Variants in PROKR1 observed in about 807,000 individuals in gnomAD.
PROKR1 encodes G protein-coupled receptor 73.
A neutral mutation model predicts 22.8 loss-of-function variants in PROKR1; 21 were observed. The observed-to-expected ratio is 0.92, with a 90% confidence interval of 0.65 to 1.32. The LOEUF is 1.32. Ranked by LOEUF, PROKR1 falls within the 40% of genes most tolerant of loss-of-function variation. PROKR1 has a pLI of 0.00. For synonymous variants in PROKR1, 193 were observed against 207.5 expected, an observed-to-expected ratio of 0.93 and a Z score of 0.60; for missense variants, 548 against 514.2, an observed-to-expected ratio of 1.07 and a Z score of -0.64.
Position 68,655,702 on chromosome 2 carries a change from T to C in PROKR1, c.*126T>C, listed in dbSNP as rs957365056. ...AGGGTAAAGTAAATGGACCACTCTG[T>C]GAGCAATGTTTTCAAGGAGCTCAGA... On this transcript the variant is annotated 3_prime_UTR_variant, in exon 3 of 3. Transcript: ENST00000303786. 1 of 887,098 alleles carries C rather than the reference T, an allele frequency of 1.1e-6. No homozygotes were observed. Among genetic ancestry groups the C allele is most frequent in the Non-Finnish European group, 1.8e-6 (1 of 561,848 alleles). The allele number at this position is 887,098 out of a possible 1,614,324, so 55.0% of individuals were successfully genotyped here. A position where few individuals can be genotyped will look rare whatever the true frequency, so the allele number is the denominator to read the frequency against.
chr2:68,650,667 G>A (rs185478966), intron 2 of PROKR1, among the ~76,000 whole-genome samples: 3 of 152,228 alleles, frequency 2.0e-5, no homozygotes, highest in Admixed American at 2.0e-4. Flanking sequence ...ACAGCTCTTG[G>A]GGGGCTGACC....
rs1191444102 is a variant in PROKR1 at position 68,657,139 on chromosome 2, TCCTTCTGTGGTA to T, written c.*1573_*1584del. ...CGAGGGGACAAAGGTAACACCTTTG[TCCTTCTGTGGTA>T]CCTTCTGTGATACCTGTGATACCTT... On this transcript the variant is annotated 3_prime_UTR_variant, in exon 3 of 3. Coordinates refer to ENST00000303786, the MANE Select transcript of PROKR1 (RefSeq NM_138964.4). 1 of 152,190 alleles carries T rather than the reference TCCTTCTGTGGTA, an allele frequency of 6.6e-6. No individual in the cohort carries two copies. The highest frequency in any genetic ancestry group is 2.4e-5 in the African/African-American group (1 of 41,442). The allele number at this position is 152,190 out of a possible 1,614,324, so 9.4% of individuals were successfully genotyped here.
intron 2 of PROKR1, among the ~76,000 whole-genome samples, chr2:68,654,613 C>T (rs1032271429): frequency 6.6e-6 from 1 of 151,896 alleles, no homozygotes; most frequent in Non-Finnish European, 1.5e-5. Context: ...GGGCAGCATA[C>T]GGAGACTCTA....
rs1039743557 is a variant in PROKR1, at chr2:68,657,713, A to T, written c.*2137A>T. 1 of 152,188 alleles carries T rather than the reference A, an allele frequency of 6.6e-6. No individual in the cohort carries two copies. The highest frequency in any genetic ancestry group is 2.4e-5 in the African/African-American group (1 of 41,422). The allele number at this position is 152,188 out of a possible 1,614,324, so 9.4% of individuals were successfully genotyped here. On this transcript the variant is annotated 3_prime_UTR_variant, in exon 3 of 3. Coordinates refer to ENST00000303786, the MANE Select transcript of PROKR1 (RefSeq NM_138964.4). ...AGGTTATTTAAGTGGCACCTGTATGACATGTTCCCCTCCAAATATAGTCAA... is the reference window on the plus strand; with the variant it reads ...AGGTTATTTAAGTGGCACCTGTATGTCATGTTCCCCTCCAAATATAGTCAA...
Position 68,656,200 on chromosome 2 carries a change from G to A in PROKR1, c.*624G>A, listed in dbSNP as rs933704014. ...CCAGGGCTCTGCACATAGGTGGTAA[G>A]GCTCTTCATCAGAAGGACTGGCTTG... On this transcript the variant is annotated 3_prime_UTR_variant, in exon 3 of 3. Transcript: ENST00000303786. The A allele has an allele frequency of 6.2e-6, 1 of 160,252 alleles. No individual in the cohort carries two copies. Among genetic ancestry groups the A allele is most frequent in the Admixed American group, 5.8e-5 (1 of 17,100 alleles). The allele number at this position is 160,252 out of a possible 1,614,324, so 9.9% of individuals were successfully genotyped here. A position where few individuals can be genotyped will look rare whatever the true frequency, so the allele number is the denominator to read the frequency against.
In PROKR1 at chr2:68,655,079, T is replaced by C. The variant is rs1673415672; in HGVS notation, c.685T>C (p.Tyr229His). Residue 229 changes from tyrosine to histidine, a missense_variant, in exon 3 of 3, where the codon TAC becomes CAC. Tyr to His is a moderately conservative substitution (Grantham distance 83). Transcript: ENST00000303786. The stretch of plus-strand genomic sequence containing the variant: ...CTGGCCTGTGGACCAGCAGCTCTAC[T>C]ACAAGTCCTACTTCCTCTTTATCTT... ...QIWPVDQQLYYKSYFLFIFGI... is the reference protein window; with the variant it reads ...QIWPVDQQLYHKSYFLFIFGI... 1 of 1,614,116 alleles carries C rather than the reference T, an allele frequency of 6.2e-7. No individual in the cohort carries two copies. The highest frequency in any genetic ancestry group is 8.5e-7 in the Non-Finnish European group (1 of 1,180,028).
rs1558577502 is a variant in PROKR1 at position 68,646,124 on chromosome 2, CGCCAACCTG to C, written c.308_316del (p.Asn103_Ala105del). ...TGCGCAACCTCACCAACCTGCTCAT[CGCCAACCTG>C]GCCATCTCTGACTTCCTGGTGGCCA... On this transcript the variant is annotated inframe_deletion, in exon 2 of 3. Coordinates refer to ENST00000303786, the MANE Select transcript of PROKR1 (RefSeq NM_138964.4). The C allele has an allele frequency of 6.2e-7, 1 of 1,611,488 alleles. No individual in the cohort carries two copies. Among genetic ancestry groups the C allele is most frequent in the South Asian group, 1.1e-5 (1 of 90,794 alleles).
chr2:68,650,178 G>A (rs1266097763), intron 2 of PROKR1, among the ~76,000 whole-genome samples: 1 of 151,510 alleles, frequency 6.6e-6, no homozygotes, highest in African/African-American at 2.4e-5. Context: ...TAACTAACCT[G>A]CACAATGTGC....
intron 2 of PROKR1, among the ~76,000 whole-genome samples, chr2:68,654,545 A>G (rs1380737332): frequency 6.6e-6 from 1 of 152,162 alleles, no homozygotes; most frequent in Non-Finnish European, 1.5e-5. Context: ...GTTGCTCCTT[A>G]GAATGCTGCA....
At chr2:68,644,163 C>T (rs1018276435) in intron 1 of PROKR1, among the ~76,000 whole-genome samples, 1 of 152,208 alleles carries the variant, frequency 6.6e-6, no homozygotes. Context: ...GAGAAAAGAC[C>T]TCTGGACAAT....
chr2:68,651,540 A>G (rs946076259), intron 2 of PROKR1, among the ~76,000 whole-genome samples: 1 of 152,170 alleles, frequency 6.6e-6, no homozygotes, highest in Admixed American at 6.5e-5. Context: ...CCTGTGAAGA[A>G]GCTCTCTTCT....
In PROKR1 at chr2:68,645,656, T is replaced by C; in HGVS notation, c.-160-6T>C. On this transcript the variant is annotated splice_region_variant and splice_polypyrimidine_tract_variant and intron_variant, in intron 1 of 2. Coordinates refer to ENST00000303786, the MANE Select transcript of PROKR1 (RefSeq NM_138964.4). ...ATATAGCCAACTGTTTGTATGTCTT[T>C]CAAAGGTTTAGAATGGAGCTCAGAT... 2 of 988,010 alleles carry C rather than the reference T, an allele frequency of 2.0e-6. No individual in the cohort carries two copies. The highest frequency in any genetic ancestry group is 1.5e-6 in the Non-Finnish European group (1 of 669,028). 61.2% of individuals were successfully genotyped at this position (988,010 alleles called of 1,614,324 possible). A position where few individuals can be genotyped will look rare whatever the true frequency, so the allele number is the denominator to read the frequency against.
chr2:68,654,892 T>C lies in PROKR1; in HGVS notation c.498T>C (p.Ile166=), dbSNP rs368474682. ...LAIAIDRYLA[I]VHPLRPRMKC... ...GTTCTTGCCCTAGGTATCTGGCTATTGTCCATCCGCTGAGACCACGGATGA... is the reference window on the plus strand; with the variant it reads ...GTTCTTGCCCTAGGTATCTGGCTATCGTCCATCCGCTGAGACCACGGATGA... Residue 166 remains isoleucine, a synonymous_variant, in exon 3 of 3, where the codon ATT becomes ATC. Transcript: ENST00000303786. 1.3e-5 allele frequency: 21 copies of C among 1,612,922 alleles called. No homozygotes were observed. The highest frequency in any genetic ancestry group is 1.7e-5 in the Non-Finnish European group (20 of 1,179,498).
rs1370479113 is a variant in PROKR1, at chr2:68,646,246, A to G, written c.425A>G (p.Tyr142Cys). 2.5e-6 allele frequency: 4 copies of G among 1,614,016 alleles called. No individual in the cohort carries two copies. The South Asian group carries it at 3.3e-5, about 13-fold the overall frequency. ...HGHVLCTSVN[Y>C]LRTVSLYVST... ...CACGTCCTGTGCACCTCTGTCAACTACCTGCGCACTGTCTCTCTCTATGTC... is the reference window on the plus strand; with the variant it reads ...CACGTCCTGTGCACCTCTGTCAACTGCCTGCGCACTGTCTCTCTCTATGTC... The change falls in exon 2 of 3, where the codon TAC (tyrosine) becomes TGC (cysteine). Residue 142 changes from tyrosine (Y) to cysteine (C), a missense_variant. By Grantham distance (194) the Tyr-to-Cys change is radical. Coordinates refer to ENST00000303786, the MANE Select transcript of PROKR1 (RefSeq NM_138964.4).
chr2:68,653,724 G>A (rs555065277), intron 2 of PROKR1, among the ~76,000 whole-genome samples: 4 of 152,184 alleles, frequency 2.6e-5, no homozygotes, highest in Non-Finnish European at 4.4e-5. Flanking sequence ...AGCTGTGTGC[G>A]TTCTCTCTCG....
intron 2 of PROKR1, among the ~76,000 whole-genome samples, chr2:68,651,443 G>A (rs1160928177): frequency 1.3e-5 from 2 of 152,336 alleles, no homozygotes; most frequent in African/African-American, 4.8e-5. Context: ...TCCTTTTGAT[G>A]TGGAGACACT....
chr2:68,650,440 C>T (rs1673290117), intron 2 of PROKR1, among the ~76,000 whole-genome samples: 1 of 152,126 alleles, frequency 6.6e-6, no homozygotes, highest in Non-Finnish European at 1.5e-5. Context: ...TCTTGCTATG[C>T]TGCCCAGGCT....
chr2:68,656,449 G>A lies in PROKR1; in HGVS notation c.*873G>A, dbSNP rs1164731436. 1 of 152,310 alleles carries A rather than the reference G, an allele frequency of 6.6e-6. No individual in the cohort carries two copies. Among genetic ancestry groups the A allele is most frequent in the African/African-American group, 2.4e-5 (1 of 41,454 alleles). The allele number at this position is 152,310 out of a possible 1,614,324, so 9.4% of individuals were successfully genotyped here. A position where few individuals can be genotyped will look rare whatever the true frequency, so the allele number is the denominator to read the frequency against. ...GGCTCAATGCAGCTCAGGTGTGGCA[G>A]GGGCTCAGGCTCTCCAGGTATACAG... On this transcript the variant is annotated 3_prime_UTR_variant, in exon 3 of 3. Transcript: ENST00000303786.
intron 2 of PROKR1, among the ~76,000 whole-genome samples, chr2:68,649,228 T>C (rs528647934): frequency 1.0e-3 from 152 of 152,328 alleles, no homozygotes; most frequent in African/African-American, 3.3e-3. Flanking sequence ...GGTTCCATTG[T>C]TCTCCGAGGC....
Sources: allele counts gnomAD v4.1 joint callset (sites outside exome capture counted in the v4.1 genomes callset), GRCh38; gene constraint gnomAD v4.1.1; transcripts MANE v1.5; gene names NCBI Gene and HGNC (gene_info 2026-07-23, HGNC 2026-07-21).